Variants in LMBR1 observed in about 807,000 individuals in gnomAD.
LMBR1 encodes limb development membrane protein 1.
In LMBR1, 52 loss-of-function variants were observed where a neutral mutation model predicts 73.9. The observed-to-expected ratio is 0.70, with a 90% confidence interval of 0.56 to 0.89. The LOEUF is 0.89. LMBR1 is among the 40% of genes least tolerant of loss of function. The pLI is 0.00. For synonymous variants in LMBR1, 215 were observed against 209.4 expected (o/e 1.03, Z -0.23); for missense variants, 539 against 579.8 (o/e 0.93, Z 0.72).
intron 1 of LMBR1, among the ~76,000 whole-genome samples, chr7:156,874,549 G>GCA (rs1395657965): frequency 6.6e-6 from 1 of 152,256 alleles, no homozygotes; most frequent in Non-Finnish European, 1.5e-5. Flanking sequence ...AGGACCGCCA[G>GCA]CACACTGTCA....
At chr7:156,843,455 T>C (rs932792016) in intron 1 of LMBR1, among the ~76,000 whole-genome samples, 1 of 152,180 alleles carries the variant, frequency 6.6e-6, no homozygotes, top group Non-Finnish European at 1.5e-5. Flanking sequence ...ACGAAAGCAC[T>C]TGACCAAGGA....
chr7:156,716,251 A>C (rs1001259196), intron 15 of LMBR1, among the ~76,000 whole-genome samples: 8 of 152,222 alleles, frequency 5.3e-5, no homozygotes, highest in African/African-American at 1.9e-4. Flanking sequence ...ATTTGGATAG[A>C]TAGAGAAAGG....
intron 5 of LMBR1, among the ~76,000 whole-genome samples, chr7:156,776,957 G>C (rs1486421544): frequency 6.6e-6 from 1 of 150,644 alleles, no homozygotes; most frequent in South Asian, 2.1e-4. Flanking sequence ...TTTTGAGATG[G>C]AATCTCGCCT....
chr7:156,829,692 A>T (rs1836322381), intron 3 of LMBR1, among the ~76,000 whole-genome samples: 1 of 152,176 alleles, frequency 6.6e-6, no homozygotes. Context: ...GCTGCTCCTC[A>T]TTCCCAGCAA....
intron 15 of LMBR1, among the ~76,000 whole-genome samples, chr7:156,696,629 C>G (rs993541091): frequency 2.6e-5 from 4 of 152,152 alleles, no homozygotes; most frequent in Non-Finnish European, 2.9e-5. Flanking sequence ...TTTTGAAAAC[C>G]ATCAGATCTT....
intron 10 of LMBR1, among the ~76,000 whole-genome samples, chr7:156,730,981 TGGAAACAGACCTCCAG>T (rs1307093865): frequency 6.6e-6 from 1 of 151,750 alleles, no homozygotes; most frequent in Non-Finnish European, 1.5e-5. Flanking sequence ...AAAAAGACAA[TGGAAACAGACCTCCAG>T]GTGATCCATG....
At chr7:156,749,023 A>G (rs1820355586) in intron 9 of LMBR1, among the ~76,000 whole-genome samples, 1 of 152,200 alleles carries the variant, frequency 6.6e-6, no homozygotes, top group Non-Finnish European at 1.5e-5. Context: ...AAATTATAAC[A>G]AGGAATTTCT....
Position 156,779,386 on chromosome 7 carries a change from A to T in LMBR1, c.424-15591T>A, listed in dbSNP as rs146393132. ...TGCCAATGAAACATGAGTTGTTTTGAGTAAGCTATAGAATTAATCACGTTA... is the reference window on the plus strand; with the variant it reads ...TGCCAATGAAACATGAGTTGTTTTGTGTAAGCTATAGAATTAATCACGTTA... On this transcript the variant is annotated intron_variant, in intron 5 of 16. Coordinates refer to ENST00000353442, the MANE Select transcript of LMBR1 (RefSeq NM_022458.4). 1.4e-4 allele frequency among the ~76,000 whole-genome samples: 21 copies of T among 152,352 alleles called. No individual in the cohort carries two copies. The East Asian group carries it at 3.5e-3, about 25-fold the overall frequency.
chr7:156,735,000 T>C (rs533317311), intron 9 of LMBR1, among the ~76,000 whole-genome samples: 1 of 152,364 alleles, frequency 6.6e-6, no homozygotes, highest in South Asian at 2.1e-4. Context: ...TAACATTCCA[T>C]AGTACAGATG....
chr7:156,862,104 T>C (rs889033221), intron 1 of LMBR1, among the ~76,000 whole-genome samples: 1 of 152,198 alleles, frequency 6.6e-6, no homozygotes, highest in Non-Finnish European at 1.5e-5. Context: ...GATAAAGACA[T>C]ACCAGAAACT....
At chr7:156,884,396 A>T (rs184449853) in intron 1 of LMBR1, among the ~76,000 whole-genome samples, 6 of 152,318 alleles carry the variant, frequency 3.9e-5, no homozygotes, top group African/African-American at 1.2e-4. Flanking sequence ...CACAAGCAAA[A>T]AAAAAAACAT....
At chr7:156,671,165 T>G (rs1802408436) in intron 4 of LMBR1, among the ~76,000 whole-genome samples, 2 of 152,124 alleles carry the variant, frequency 1.3e-5, no homozygotes, top group South Asian at 4.1e-4. Flanking sequence ...AAACTTTAAT[T>G]GAAAAGAGCA....
At chr7:156,883,331 G>A (rs911072965) in intron 1 of LMBR1, among the ~76,000 whole-genome samples, 8 of 151,970 alleles carry the variant, frequency 5.3e-5, no homozygotes, top group South Asian at 2.1e-4. Flanking sequence ...CTCGGGAGGC[G>A]GAGGCTGCAG....
chr7:156,800,553 A>C (rs1830791301), intron 4 of LMBR1, among the ~76,000 whole-genome samples: 1 of 151,106 alleles, frequency 6.6e-6, no homozygotes. Flanking sequence ...TGGAGATGAA[A>C]GAGCCCTGGT....
At chr7:156,766,195 T>C (rs1824045887) in intron 5 of LMBR1, among the ~76,000 whole-genome samples, 1 of 152,106 alleles carries the variant, frequency 6.6e-6, no homozygotes. Flanking sequence ...TGGAACTGTC[T>C]TCTTAAGGTC....
intron 1 of LMBR1, among the ~76,000 whole-genome samples, chr7:156,885,461 G>A (rs11766151): frequency 0.043 from 6,484 of 151,856 alleles, 188 homozygotes; most frequent in Admixed American, 0.049. Context: ...TTTAGATTGC[G>A]CAGCCAGGCC....
rs947056828 is a variant in LMBR1, at chr7:156,839,685, T to C, written c.67-2800A>G. Among the ~76,000 whole-genome samples the C allele has an allele frequency of 7.2e-5, 11 of 152,216 alleles. No individual in the cohort carries two copies. In the South Asian group the frequency reaches 2.3e-3, roughly 32 times the overall value. On this transcript the variant is annotated intron_variant, in intron 1 of 16. Transcript: ENST00000353442. ...TCATGTAGGAATGACAAACGGAGAA[T>C]GAAGAAGACTACTAGCTGTGTGCCA...
At chr7:156,831,814 CG>C (rs1156927727) in intron 3 of LMBR1, among the ~76,000 whole-genome samples, 5 of 152,312 alleles carry the variant, frequency 3.3e-5, no homozygotes, top group Admixed American at 2.0e-4. Context: ...TTATAAATTA[CG>C]GATCTACGAG....
chr7:156,861,845 CATCT>C (rs966892736), intron 1 of LMBR1, among the ~76,000 whole-genome samples: 40 of 152,206 alleles, frequency 2.6e-4, no homozygotes, highest in African/African-American at 9.2e-4. Context: ...TTCTCCTCTC[CATCT>C]GAGACCACCT....
Sources: allele counts gnomAD v4.1 joint callset (sites outside exome capture counted in the v4.1 genomes callset), GRCh38; gene constraint gnomAD v4.1.1; transcripts MANE v1.5; gene names NCBI Gene and HGNC (gene_info 2026-07-23, HGNC 2026-07-21).